Variants in KIDINS220 observed in about 807,000 individuals in gnomAD.
The protein encoded by KIDINS220 is kinase D interacting substrate 220, also known as kinase D-interacting substrate of 220 kDa.
KIDINS220 carries 63 observed loss-of-function variants against 157.6 expected under a neutral mutation model. That is an observed-to-expected ratio of 0.40 (90% CI 0.33 to 0.49). KIDINS220 has a LOEUF of 0.49. KIDINS220 is among the 20% of genes least tolerant of loss of function. KIDINS220 has a pLI of 0.66. For synonymous variants in KIDINS220, 732 were observed against 783.6 expected, an observed-to-expected ratio of 0.93 and a Z score of 1.10; for missense variants, 1,772 against 2,171.2, an observed-to-expected ratio of 0.82 and a Z score of 3.65.
intron 1 of KIDINS220, among the ~76,000 whole-genome samples, chr2:8,830,390 C>G (rs528496146): frequency 1.1e-3 from 166 of 152,278 alleles, no homozygotes; most frequent in Non-Finnish European, 2.2e-3. Flanking sequence ...GGAAATATGG[C>G]TTCCCACAGC....
chr2:8,801,888 C>G (rs1294951030), intron 8 of KIDINS220, among the ~76,000 whole-genome samples: 1 of 152,172 alleles, frequency 6.6e-6, no homozygotes, highest in Middle Eastern at 3.2e-3. Flanking sequence ...GCCTGGGTAA[C>G]AGAATAACAC....
intron 22 of KIDINS220, chr2:8,757,863 T>C: frequency 7.8e-7 from 1 of 1,290,146 alleles, no homozygotes; most frequent in Non-Finnish European, 1.1e-6. Context: ...TATGTTTTCT[T>C]TGTTGGTTTT....
intron 22 of KIDINS220, among the ~76,000 whole-genome samples, chr2:8,753,451 G>A (rs1667622259): frequency 6.6e-6 from 1 of 152,170 alleles, no homozygotes; most frequent in East Asian, 1.9e-4. Context: ...TTTTAGAACT[G>A]ATGGAAACAT....
In KIDINS220 at chr2:8,785,882, G is replaced by C. The variant is rs1318224253; in HGVS notation, c.2088C>G (p.Ile696Met). ...HLTVNAVLIS[I>M]ASVVGLAFVL... is the part of the protein sequence containing the mutation. ...CAAAGGCCAATCCCACTACAGATGC[G>C]ATTGATATGAGGACAGCATTTACAG... The change falls in exon 17 of 30, where the codon ATC becomes ATG. Residue 696 changes from isoleucine to methionine, a missense_variant. Physicochemically the swap from Ile to Met is conservative, Grantham distance 10 (BLOSUM62 1). Around this residue, in one of 3 missense-constraint regions of KIDINS220, gnomAD observed 725 missense variants for 1,017.1 expected, o/e 0.71. Coordinates refer to ENST00000256707, the MANE Select transcript of KIDINS220 (RefSeq NM_020738.4). 6.2e-7 allele frequency: 1 copy of C among 1,614,082 alleles called. No individual in the cohort carries two copies. Among genetic ancestry groups the C allele is most frequent in the South Asian group, 1.1e-5 (1 of 91,084 alleles).
chr2:8,754,504 T>C lies in KIDINS220; in HGVS notation c.3012-2860A>G, dbSNP rs1234967417. Among the ~76,000 whole-genome samples, 6 of 152,352 alleles carry C rather than the reference T, an allele frequency of 3.9e-5. 1 individual carries two copies. The South Asian group carries it at 1.0e-3, about 26-fold the overall frequency. ...GCATTATGAATCATGTGAATTAAAGTTGCCAGCAGTTAAATGGCCCAAAGA... is the reference window on the plus strand; with the variant it reads ...GCATTATGAATCATGTGAATTAAAGCTGCCAGCAGTTAAATGGCCCAAAGA... On this transcript the variant is annotated intron_variant, in intron 22 of 29. Coordinates refer to ENST00000256707, the MANE Select transcript of KIDINS220 (RefSeq NM_020738.4).
At chr2:8,801,565 T>C (rs987921052) in intron 8 of KIDINS220, among the ~76,000 whole-genome samples, 1 of 152,150 alleles carries the variant, frequency 6.6e-6, no homozygotes, top group Non-Finnish European at 1.5e-5. Flanking sequence ...AAACAAAAAA[T>C]CATACAAACA....
chr2:8,828,413 C>T (rs561809812), intron 1 of KIDINS220, among the ~76,000 whole-genome samples: 2 of 152,286 alleles, frequency 1.3e-5, no homozygotes, highest in African/African-American at 4.8e-5. Flanking sequence ...ACACCACTTG[C>T]CACCATCCAA....
intron 22 of KIDINS220, among the ~76,000 whole-genome samples, chr2:8,752,983 A>C (rs1667563678): frequency 6.6e-6 from 1 of 152,192 alleles, no homozygotes; most frequent in African/African-American, 2.4e-5. Flanking sequence ...TCAATTAAAA[A>C]CACTTATTAA....
chr2:8,810,647 G>A (rs903296423), intron 6 of KIDINS220, among the ~76,000 whole-genome samples: 11 of 152,092 alleles, frequency 7.2e-5, no homozygotes, highest in South Asian at 2.1e-4. Flanking sequence ...GTAGACAGTC[G>A]TGGTGGCACG....
At chr2:8,780,747 G>A (rs962120004) in intron 17 of KIDINS220, among the ~76,000 whole-genome samples, 4 of 148,424 alleles carry the variant, frequency 2.7e-5, no homozygotes, top group Admixed American at 1.4e-4. Context: ...AAACCCTAGG[G>A]CAACCACTCA....
In KIDINS220 at chr2:8,771,045, C is replaced by T. The variant is rs536795838; in HGVS notation, c.2849-213G>A. On this transcript the variant is annotated intron_variant, in intron 21 of 29. Transcript: ENST00000256707. The stretch of plus-strand genomic sequence containing the variant: ...CTTAAACACAATTTTAATTCTAAAG[C>T]AATTTTTTGGTTGTTTGATTTGCCA... 3.9e-5 allele frequency among the ~76,000 whole-genome samples: 6 copies of T among 152,174 alleles called. No individual in the cohort carries two copies. In the South Asian group the frequency reaches 1.2e-3, roughly 32 times the overall value.
In KIDINS220 at chr2:8,802,918, T is replaced by C. The variant is rs763626078; in HGVS notation, c.801+12A>G. On this transcript the variant is annotated intron_variant, in intron 8 of 29. Coordinates refer to ENST00000256707, the MANE Select transcript of KIDINS220 (RefSeq NM_020738.4). ...TCACCACTAGGAGACAAATGTGAAA[T>C]AGATGACCTACCCTGTCAGGTATGT... 1.2e-6 allele frequency: 2 copies of C among 1,611,852 alleles called. No homozygotes were observed. Among genetic ancestry groups the C allele is most frequent in the Non-Finnish European group, 1.7e-6 (2 of 1,178,766 alleles).
In KIDINS220 at chr2:8,767,936, C is replaced by T. The variant is rs533175174; in HGVS notation, c.3011+2734G>A. Among the ~76,000 whole-genome samples, 11 of 152,238 alleles carry T rather than the reference C, an allele frequency of 7.2e-5. 1 individual carries two copies. Among genetic ancestry groups the T allele is most frequent in the Admixed American group, 6.5e-4 (10 of 15,294 alleles). ...TTCTGAAGCACCCTTAGAACTTATT[C>T]AACTGTTCTTTAAACATCAAAATAA... is the stretch of plus-strand genomic sequence containing the variant. On this transcript the variant is annotated intron_variant, in intron 22 of 29. Transcript: ENST00000256707.
chr2:8,817,345 C>T (rs1175152725), intron 4 of KIDINS220, among the ~76,000 whole-genome samples: 12 of 152,042 alleles, frequency 7.9e-5, no homozygotes, highest in African/African-American at 2.4e-4. Context: ...AGTTCCAAAA[C>T]ATTGATATAT....
Position 8,827,066 on chromosome 2 carries a change from T to C in KIDINS220, c.28A>G (p.Ile10Val), listed in dbSNP as rs529653945. Residue 10 changes from isoleucine to valine, a missense_variant, in exon 2 of 30, where the codon ATA becomes GTA. By Grantham distance (29) the Ile-to-Val change is conservative. This residue lies in a region of KIDINS220 where 254 missense variants were observed against 268.6 expected (regional missense o/e 0.95). Transcript: ENST00000256707. ...ATGTTTTCTTCCTCTACATAATTTA[T>C]GACGCTCTGTGATATCAAAACTGAC... MSVLISQSV[I>V]NYVEEENIPA... is the part of the protein sequence containing the mutation. 4.4e-6 allele frequency: 7 copies of C among 1,602,100 alleles called. No homozygotes were observed. The highest frequency in any genetic ancestry group is 6.0e-6 in the Non-Finnish European group (7 of 1,172,202).
chr2:8,795,519 C>G (rs1673796497), intron 11 of KIDINS220, among the ~76,000 whole-genome samples: 1 of 152,162 alleles, frequency 6.6e-6, no homozygotes. Flanking sequence ...CTATGAAGAT[C>G]CAGGTTCAAG....
At chr2:8,750,031 C>T in intron 24 of KIDINS220, 81 bp downstream of exon 24, 1 of 1,256,658 alleles carries the variant, frequency 8.0e-7, no homozygotes, top group Non-Finnish European at 1.1e-6. Context: ...AGCTTTAAAA[C>T]CAAAACAGAA....
chr2:8,731,890 C>T lies in KIDINS220; in HGVS notation c.4146G>A (p.Glu1382=), dbSNP rs763712325. The change falls in exon 30 of 30, where the codon GAG becomes GAA. Residue 1382 remains glutamate, a synonymous_variant. Transcript: ENST00000256707. This position sits in a 1 kb window ranked among gnomAD's most constrained non-coding sequence, Gnocchi z 5.2. ...TGTATTCTCTATAGGCATCTCTATACTCGGCCTGCACCTTATCAGTAAGCT... is the reference window on the plus strand; with the variant it reads ...TGTATTCTCTATAGGCATCTCTATATTCGGCCTGCACCTTATCAGTAAGCT... ...ISKLTDKVQA[E]YRDAYREYIA... 1.2e-6 allele frequency: 2 copies of T among 1,614,162 alleles called. No individual in the cohort carries two copies. Among genetic ancestry groups the T allele is most frequent in the South Asian group, 1.1e-5 (1 of 91,072 alleles).
chr2:8,789,913 G>T lies in KIDINS220; in HGVS notation c.1588C>A (p.Leu530Met). 6.2e-7 allele frequency: 1 copy of T among 1,612,736 alleles called. No individual in the cohort carries two copies. Among genetic ancestry groups the T allele is most frequent in the South Asian group, 1.1e-5 (1 of 90,612 alleles). Residue 530 changes from leucine (L) to methionine (M), a missense_variant, in exon 14 of 30, where the codon CTG (leucine) becomes ATG (methionine). By Grantham distance (15) the Leu-to-Met change is conservative. Around this residue, in one of 3 missense-constraint regions of KIDINS220, gnomAD observed 725 missense variants for 1,017.1 expected, o/e 0.71. Transcript: ENST00000256707. ...ATATATAAGAGAGCCAAGAAGCTCA[G>T]TGACACTGCTATTCCAAGATTTGGG... The part of the protein sequence containing the change: ...VHPNLGIAVS[L>M]SFLALLYIFF...
Sources: allele counts gnomAD v4.1 joint callset (sites outside exome capture counted in the v4.1 genomes callset), GRCh38; gene constraint gnomAD v4.1.1; regional missense constraint gnomAD v4.1.1; non-coding constraint Gnocchi (gnomAD v3.1); transcripts MANE v1.5; gene names NCBI Gene and HGNC (gene_info 2026-07-23, HGNC 2026-07-21).